Variants in IGSF21 observed in about 807,000 individuals in gnomAD.
IGSF21 encodes immunoglobin superfamily member 21, also known as immunoglobulin superfamily member 21.
IGSF21 carries 28 observed loss-of-function variants against 46.8 expected under a neutral mutation model. The observed-to-expected ratio is 0.60, with a 90% CI of 0.44 to 0.82. The LOEUF (loss-of-function observed/expected upper bound fraction) is 0.82. Ranked by LOEUF, IGSF21 falls within the 40% of genes least tolerant of loss-of-function variation. IGSF21 has a pLI of 0.00. For synonymous variants in IGSF21, 284 were observed against 273.6 expected, an observed-to-expected ratio of 1.04 and a Z score of -0.38; for missense variants, 624 against 665.5, an observed-to-expected ratio of 0.94 and a Z score of 0.69.
chr1:18,225,062 ATCTCTCTC>A (rs111721151), intron 1 of IGSF21, among the ~76,000 whole-genome samples: 669 of 63,776 alleles, frequency 0.01, 23 homozygotes, highest in African/African-American at 0.037. Flanking sequence ...GAGACTCTGT[ATCTCTCTC>A]TCTCTCTCTC....
At position 18,376,771 on chromosome 1, in the gene IGSF21, ACCCACCTCTC is replaced by A. The variant is rs764389107; in HGVS notation, c.1102-25_1102-16del. ...ATCTGGCAGAATGGGCCCTCCTGTG[ACCCACCTCTC>A]CCCTGATCTGGCCAACAGAACGAAG... On this transcript the variant is annotated intron_variant, in intron 7 of 9. Coordinates refer to ENST00000251296, the MANE Select transcript of IGSF21 (RefSeq NM_032880.5). The A allele has an allele frequency of 6.4e-7, 1 of 1,555,636 alleles. No homozygotes were observed. Among genetic ancestry groups the A allele is most frequent in the Non-Finnish European group, 8.7e-7 (1 of 1,145,470 alleles).
chr1:18,136,124 A>G (rs1484017314), intron 1 of IGSF21, among the ~76,000 whole-genome samples: 1 of 152,020 alleles, frequency 6.6e-6, no homozygotes, highest in Non-Finnish European at 1.5e-5. Flanking sequence ...TTTCTTGTAA[A>G]TTTGTTTGAG....
intron 1 of IGSF21, among the ~76,000 whole-genome samples, chr1:18,162,053 T>G (rs2086630984): frequency 6.6e-6 from 1 of 152,168 alleles, no homozygotes; most frequent in African/African-American, 2.4e-5. Flanking sequence ...CCTTTTCTTT[T>G]TTTGAGACAG....
chr1:18,292,022 G>A (rs964080425), intron 3 of IGSF21, 35 bp downstream of exon 3: 2 of 1,578,442 alleles, frequency 1.3e-6, no homozygotes, highest in Non-Finnish European at 1.7e-6. Context: ...GACAGCGGGG[G>A]AAGGGCGGAG....
chr1:18,327,157 G>C (rs565660495), intron 3 of IGSF21, among the ~76,000 whole-genome samples: 2 of 152,248 alleles, frequency 1.3e-5, no homozygotes, highest in Non-Finnish European at 2.9e-5. Context: ...ATTCCAACAG[G>C]ACTTGTTATT....
chr1:18,311,194 T>C (rs1439609648), intron 3 of IGSF21, among the ~76,000 whole-genome samples: 1 of 152,178 alleles, frequency 6.6e-6, no homozygotes, highest in Non-Finnish European at 1.5e-5. Context: ...CCCCACATCC[T>C]GTGTGTCCCC....
At chr1:18,128,124 G>C (rs2086289074) in intron 1 of IGSF21, among the ~76,000 whole-genome samples, 1 of 152,122 alleles carries the variant, frequency 6.6e-6, no homozygotes, top group African/African-American at 2.4e-5. Flanking sequence ...AATATTTATT[G>C]GTCTCCTACT....
chr1:18,325,382 CA>C (rs1265663195), intron 3 of IGSF21, among the ~76,000 whole-genome samples: 2 of 151,998 alleles, frequency 1.3e-5, no homozygotes, highest in Admixed American at 1.3e-4. Context: ...TGGGGCAGGG[CA>C]AGGGTAAACA....
intron 3 of IGSF21, among the ~76,000 whole-genome samples, chr1:18,309,394 A>T (rs1430056203): frequency 2.0e-5 from 3 of 152,124 alleles, no homozygotes; most frequent in Admixed American, 6.5e-5. Flanking sequence ...TTCACAGATG[A>T]GAAACCTGAG....
In IGSF21 at chr1:18,225,062, A is replaced by ATCTCTCTCTCTCTCTC. The variant is rs111721151; in HGVS notation, c.71-2827_71-2812dup. ...CCTGGATGACAGAGTGAGACTCTGTATCTCTCTCTCTCTCTCTCTCTCTCA... is the reference window on the plus strand; with the variant it reads ...CCTGGATGACAGAGTGAGACTCTGTATCTCTCTCTCTCTCTCTCTCTCTCTCTCTCTCTCTCTCTCA... On this transcript the variant is annotated intron_variant, in intron 1 of 9. Transcript: ENST00000251296. Among the ~76,000 whole-genome samples, 453 of 63,184 alleles carry ATCTCTCTCTCTCTCTC rather than the reference A, an allele frequency of 7.2e-3. 93 individuals are homozygous for ATCTCTCTCTCTCTCTC. Among genetic ancestry groups the ATCTCTCTCTCTCTCTC allele is most frequent in the Non-Finnish European group, 8.8e-3 (274 of 31,016 alleles). The allele number at this position is 63,184 out of a possible 152,430, so 41.5% of individuals were successfully genotyped here. A position where few individuals can be genotyped will look rare whatever the true frequency, so the allele number is the denominator to read the frequency against.
At chr1:18,364,716 C>T (rs1191944356) in intron 5 of IGSF21, among the ~76,000 whole-genome samples, 1 of 152,110 alleles carries the variant, frequency 6.6e-6, no homozygotes, top group African/African-American at 2.4e-5. Flanking sequence ...CTTCCATCTC[C>T]AAAACGCACA....
rs552817468 is a variant in IGSF21 at position 18,278,207 on chromosome 1, C to CATTTATTT, written c.184-13622_184-13615dup. ...ATGATAAAGCAAACATGGCTGCATTCATTTATTTATTTATTTATTTATTTA... is the reference window on the plus strand; with the variant it reads ...ATGATAAAGCAAACATGGCTGCATTCATTTATTTATTTATTTATTTATTTATTTATTTA... On this transcript the variant is annotated intron_variant, in intron 2 of 9. Transcript: ENST00000251296. Among the ~76,000 whole-genome samples, 51 of 48,904 alleles carry CATTTATTT rather than the reference C, an allele frequency of 1.0e-3. 1 individual carries two copies. The highest frequency in any genetic ancestry group is 2.8e-3 in the East Asian group (2 of 716). 32.1% of individuals were successfully genotyped at this position (48,904 alleles called of 152,430 possible).
chr1:18,259,555 C>T (rs953417815), intron 2 of IGSF21, among the ~76,000 whole-genome samples: 1 of 152,202 alleles, frequency 6.6e-6, no homozygotes, highest in Non-Finnish European at 1.5e-5. Flanking sequence ...TTCTTTGCCT[C>T]CCCAGAACCT....
intron 1 of IGSF21, among the ~76,000 whole-genome samples, chr1:18,189,437 C>T (rs552991266): frequency 6.6e-5 from 10 of 152,160 alleles, no homozygotes; most frequent in South Asian, 2.1e-4. Flanking sequence ...AGGGCAGGGG[C>T]GAAGGTTTCA....
intron 6 of IGSF21, among the ~76,000 whole-genome samples, chr1:18,373,762 C>A (rs884129): frequency 0.28 from 42,944 of 152,048 alleles, 6,825 homozygotes; most frequent in East Asian, 0.38. Flanking sequence ...CTTCCTATAG[C>A]ATGACCTTGG....
intron 1 of IGSF21, among the ~76,000 whole-genome samples, chr1:18,117,706 T>C (rs570526598): frequency 6.6e-6 from 1 of 152,294 alleles, no homozygotes; most frequent in African/African-American, 2.4e-5. Context: ...AAAGAAGTGT[T>C]TATAACCCTT....
chr1:18,187,531 G>A (rs1169262795), intron 1 of IGSF21, among the ~76,000 whole-genome samples: 1 of 152,110 alleles, frequency 6.6e-6, no homozygotes, highest in Non-Finnish European at 1.5e-5. Flanking sequence ...CAAATTTCAC[G>A]AGACTTAATC....
intron 1 of IGSF21, among the ~76,000 whole-genome samples, chr1:18,149,036 C>T (rs1051728463): frequency 3.9e-5 from 6 of 152,194 alleles, no homozygotes; most frequent in East Asian, 1.9e-4. Context: ...GGCGGCATCC[C>T]GGAGACTCTG....
At chr1:18,286,880 CAGAT>C (rs748229227) in intron 2 of IGSF21, among the ~76,000 whole-genome samples, 7 of 152,142 alleles carry the variant, frequency 4.6e-5, no homozygotes, top group African/African-American at 9.7e-5. Context: ...ATGGACAGGA[CAGAT>C]AAAGACCCCA....
Sources: allele counts gnomAD v4.1 joint callset (sites outside exome capture counted in the v4.1 genomes callset), GRCh38; gene constraint gnomAD v4.1.1; transcripts MANE v1.5; gene names NCBI Gene and HGNC (gene_info 2026-07-23, HGNC 2026-07-21).